The following BRDT variants were observed in gnomAD, a reference collection of about 807,000 sequenced individuals.
BRDT encodes bromodomain testis-specific protein.
Under a neutral mutation model 113.9 loss-of-function variants are expected in BRDT, and 77 were observed. The ratio of observed to expected loss-of-function variants is 0.68; its 90% CI spans 0.56 to 0.82. The LOEUF (loss-of-function observed/expected upper bound fraction) is 0.82, where lower values mean the gene tolerates loss of function less well. Among genes scored for constraint, BRDT ranks in the 40% least tolerant of loss-of-function variants. The pLI is 0.00. For missense variants in BRDT, 1,027 were observed against 1,105.4 expected (o/e 0.93, Z 1.01); for synonymous variants, 358 against 366.5 (o/e 0.98, Z 0.26).
chr1:92,013,658 T>A (rs895864504), intron 18 of BRDT, among the ~76,000 whole-genome samples: 1 of 152,224 alleles, frequency 6.6e-6, no homozygotes, highest in Non-Finnish European at 1.5e-5. Context: ...GTGATTAATA[T>A]GGCATTTTGC....
intron 4 of BRDT, among the ~76,000 whole-genome samples, chr1:91,973,831 G>A (rs1683855702): frequency 6.6e-6 from 1 of 152,152 alleles, no homozygotes; most frequent in Non-Finnish European, 1.5e-5. Flanking sequence ...TAGGAGTGGT[G>A]AGAGAGGGCA....
chr1:91,965,651 C>T (rs1350585522), intron 3 of BRDT, among the ~76,000 whole-genome samples: 1 of 151,976 alleles, frequency 6.6e-6, no homozygotes, highest in Non-Finnish European at 1.5e-5. Flanking sequence ...AGATCAAGAC[C>T]ATCCTGACCA....
At chr1:91,989,950 T>A (rs1685617537) in intron 12 of BRDT, among the ~76,000 whole-genome samples, 1 of 152,238 alleles carries the variant, frequency 6.6e-6, no homozygotes. Context: ...AAGGTAATTA[T>A]TAAAATTAGA....
At chr1:91,994,895 A>G (rs887263015) in intron 15 of BRDT, among the ~76,000 whole-genome samples, 6 of 149,216 alleles carry the variant, frequency 4.0e-5, no homozygotes, top group African/African-American at 7.3e-5. Flanking sequence ...AAAAAAAAGA[A>G]TAAGGGAAAG....
At chr1:91,984,185 A>C (rs1309936348) in intron 12 of BRDT, among the ~76,000 whole-genome samples, 2 of 152,204 alleles carry the variant, frequency 1.3e-5, no homozygotes, top group African/African-American at 2.4e-5. Flanking sequence ...CTTAATACTA[A>C]ATGAAGTAAT....
intron 15 of BRDT, among the ~76,000 whole-genome samples, chr1:92,000,864 G>C (rs1686770815): frequency 1.3e-5 from 2 of 152,154 alleles, no homozygotes; most frequent in Admixed American, 1.3e-4. Context: ...CCAAAGATAG[G>C]TCAATCTTTT....
intron 1 of BRDT, among the ~76,000 whole-genome samples, chr1:91,951,872 C>T (rs900298319): frequency 6.6e-6 from 1 of 151,944 alleles, no homozygotes; most frequent in Non-Finnish European, 1.5e-5. Context: ...ATGGCGAAAC[C>T]CCATCTCTAC....
At chr1:91,970,628 C>A (rs1683532649) in intron 4 of BRDT, among the ~76,000 whole-genome samples, 1 of 152,200 alleles carries the variant, frequency 6.6e-6, no homozygotes, top group African/African-American at 2.4e-5. Flanking sequence ...AAAGAAATAC[C>A]TGGCTGGGCA....
intron 12 of BRDT, among the ~76,000 whole-genome samples, chr1:91,985,939 A>G (rs1685198979): frequency 6.6e-6 from 1 of 152,176 alleles, no homozygotes; most frequent in Non-Finnish European, 1.5e-5. Context: ...CGCCCGGCCC[A>G]AATCCTTGAA....
chr1:92,009,608 G>A (rs573306197), intron 18 of BRDT, among the ~76,000 whole-genome samples: 7 of 134,958 alleles, frequency 5.2e-5, no homozygotes, highest in South Asian at 5.1e-4. Flanking sequence ...GGAGTGCAGC[G>A]CCATGATCAT....
At position 91,981,291 on chromosome 1, in the gene BRDT, G is replaced by A. The variant is rs1394024627; in HGVS notation, c.1774G>A (p.Glu592Lys). The A allele has an allele frequency of 1.9e-6, 3 of 1,614,040 alleles. No homozygotes were observed. In the Admixed American group the frequency reaches 5.0e-5, roughly 27 times the overall value. The change falls in exon 11 of 19, where the codon GAA (glutamate) becomes AAA (lysine). Residue 592 changes from glutamate (E) to lysine (K), a missense_variant. Physicochemically the swap from Glu to Lys is moderately conservative, Grantham distance 56 (BLOSUM62 1). Transcript: ENST00000399546. ...AGCTAAGAAAATAATGATGTCCAAAGAAGAACTTCACTCACAGAAAAAACA... is the reference window on the plus strand; with the variant it reads ...AGCTAAGAAAATAATGATGTCCAAAAAAGAACTTCACTCACAGAAAAAACA... ...PPAKKIMMSK[E>K]ELHSQKKQEL...
At chr1:91,992,636 A>G (rs943476983) in intron 14 of BRDT, among the ~76,000 whole-genome samples, 1 of 152,106 alleles carries the variant, frequency 6.6e-6, no homozygotes, top group Non-Finnish European at 1.5e-5. Context: ...TTCGGGTTCA[A>G]GCGATTCTCA....
intron 16 of BRDT, among the ~76,000 whole-genome samples, chr1:92,002,961 C>T (rs1358618168): frequency 1.3e-5 from 2 of 152,188 alleles, no homozygotes; most frequent in African/African-American, 2.4e-5. Flanking sequence ...TATCCCCCTC[C>T]ATCCCTCTGT....
At chr1:92,007,153 A>G (rs978532244) in intron 18 of BRDT, among the ~76,000 whole-genome samples, 4 of 152,140 alleles carry the variant, frequency 2.6e-5, no homozygotes, top group Non-Finnish European at 5.9e-5. Context: ...GTTTGAGTTC[A>G]TCATCTTGAT....
At position 91,980,759 on chromosome 1, in the gene BRDT, T is replaced by G. The variant is rs1684642403; in HGVS notation, c.1404T>G (p.Asn468Lys). The G allele has an allele frequency of 6.2e-7, 1 of 1,605,132 alleles. No homozygotes were observed. Among genetic ancestry groups the G allele is most frequent in the Middle Eastern group, 1.7e-4 (1 of 5,992 alleles). Residue 468 changes from asparagine to lysine, a missense_variant, in exon 9 of 19, where the codon AAT becomes AAG. Physicochemically the swap from Asn to Lys is moderately conservative, Grantham distance 94. Coordinates refer to ENST00000399546, the MANE Select transcript of BRDT (RefSeq NM_207189.4). ...EKKKEKVNNSNENPRKMCEQM... is the reference protein window; with the variant it reads ...EKKKEKVNNSKENPRKMCEQM... Reference sequence around the variant, plus strand: ...AAAAAGAAAAGGTTAATAACAGCAATGAAAATCCAAGAAAAATGTGTGAGC... The same window carrying G: ...AAAAAGAAAAGGTTAATAACAGCAAGGAAAATCCAAGAAAAATGTGTGAGC...
Position 91,977,179 on chromosome 1 carries a change from A to T in BRDT, c.755A>T (p.Asn252Ile), listed in dbSNP as rs755460979. 6.2e-7 allele frequency: 1 copy of T among 1,614,096 alleles called. No individual in the cohort carries two copies. The highest frequency in any genetic ancestry group is 1.7e-5 in the Admixed American group (1 of 60,022). The part of the protein sequence containing the change: ...LPPIKENMPK[N>I]VLPDSQQQYN... ...CCTATAAAAGAAAATATGCCAAAGA[A>T]TGTTTTGCCAGATTCTCAGCAACAA... The change falls in exon 6 of 19, where the codon AAT becomes ATT. Residue 252 changes from asparagine (N) to isoleucine (I), a missense_variant. By Grantham distance (149) the Asn-to-Ile change is moderately radical. Transcript: ENST00000399546.
chr1:91,985,385 G>A (rs901992570), intron 12 of BRDT, among the ~76,000 whole-genome samples: 1 of 151,844 alleles, frequency 6.6e-6, no homozygotes, highest in Admixed American at 6.6e-5. Flanking sequence ...AGTAGAAATG[G>A]GGTTTCATCA....
At chr1:91,962,697 T>A (rs1682614650) in intron 1 of BRDT, 21 bp from the exon 2 acceptor site, 2 of 1,383,972 alleles carry the variant, frequency 1.4e-6, no homozygotes, top group African/African-American at 2.9e-5. Flanking sequence ...GCTTCTGAAG[T>A]ACTCAGTTTT....
At chr1:91,968,415 C>T in intron 4 of BRDT, 155 bp downstream of exon 4, 1 of 1,171,890 alleles carries the variant, frequency 8.5e-7, no homozygotes, top group Non-Finnish European at 1.2e-6. Flanking sequence ...TCTGCCAAAC[C>T]TTGATCACAA....
Sources: gnomAD v4.1 joint callset for allele counts (sites outside exome capture counted in the v4.1 genomes callset) on GRCh38, gnomAD v4.1.1 for gene constraint, MANE v1.5 for transcripts, NCBI Gene and HGNC (gene_info 2026-07-23, HGNC 2026-07-21) for gene names.